RPE: variants seen among roughly 807,000 people sequenced by gnomAD.
RPE encodes the protein ribulose-phosphate 3-epimerase.
Under a neutral mutation model 24.6 loss-of-function variants are expected in RPE, and 16 were observed. The observed-to-expected ratio is 0.65, with a 90% confidence interval of 0.44 to 0.99. The LOEUF is 0.99. Ranked by LOEUF, RPE falls within the 50% of genes least tolerant of loss-of-function variation. The probability of loss-of-function intolerance (pLI) is 0.00; values close to 1 mark genes in which losing one functional copy is unlikely to be tolerated. For missense variants in RPE, 240 were observed against 294.5 expected (o/e 0.81, Z 1.35); for synonymous variants, 93 against 98.4 (o/e 0.94, Z 0.33).
rs2093674212 is a variant in RPE, at chr2:210,009,564, A to G, written c.123-93A>G. 3.3e-6 allele frequency: 5 copies of G among 1,497,404 alleles called. No individual in the cohort carries two copies. The African/African-American group carries it at 4.1e-5, about 12-fold the overall frequency. The allele number at this position is 1,497,404 out of a possible 1,614,324, so 92.8% of individuals were successfully genotyped here. A position where few individuals can be genotyped will look rare whatever the true frequency, so the allele number is the denominator to read the frequency against. ...AGTATTAAATTGAAAAACATTGCAG[A>G]CAATCCCCTCAACCTGTGTCAGAAT... On this transcript the variant is annotated intron_variant, in intron 1 of 5. Coordinates refer to ENST00000359429, the MANE Select transcript of RPE (RefSeq NM_199229.3).
At chr2:210,016,314 T>A in intron 3 of RPE, 193 bp from the exon 4 acceptor site, 3 of 1,595,082 alleles carry the variant, frequency 1.9e-6, no homozygotes, top group Non-Finnish European at 2.6e-6. Flanking sequence ...GGATTTAACT[T>A]CTTTGTCACA....
At chr2:210,006,593 G>A (rs1379178581) in intron 1 of RPE, among the ~76,000 whole-genome samples, 2 of 152,142 alleles carry the variant, frequency 1.3e-5, no homozygotes, top group Non-Finnish European at 2.9e-5. Context: ...TACTCGGGAG[G>A]TGGTTATTAT....
chr2:210,019,373 G>C (rs1198745441), intron 5 of RPE, among the ~76,000 whole-genome samples: 1 of 152,122 alleles, frequency 6.6e-6, no homozygotes, highest in Admixed American at 6.5e-5. Flanking sequence ...GAGGAGTAAA[G>C]GCTTTTAAAC....
rs1360805992 is a variant in RPE, at chr2:210,020,682, C to T, written c.*891C>T. On this transcript the variant is annotated 3_prime_UTR_variant, in exon 6 of 6. Transcript: ENST00000359429. ...CTAGTCCCAGAATTTAGAATATGCT[C>T]AACACAAAGTAAACAGCATTATATA... is the stretch of plus-strand genomic sequence containing the variant. 6.0e-6 allele frequency: 1 copy of T among 166,470 alleles called. No homozygotes were observed. Among genetic ancestry groups the T allele is most frequent in the African/African-American group, 2.4e-5 (1 of 41,392 alleles). The allele number at this position is 166,470 out of a possible 1,614,324, so 10.3% of individuals were successfully genotyped here. A position where few individuals can be genotyped will look rare whatever the true frequency, so the allele number is the denominator to read the frequency against.
chr2:210,015,075 G>A (rs556246270), intron 2 of RPE, among the ~76,000 whole-genome samples: 3 of 152,244 alleles, frequency 2.0e-5, no homozygotes, highest in African/African-American at 7.2e-5. Context: ...CCCTAAATTT[G>A]TTCTTGCAGT....
At chr2:210,018,770 T>C in intron 5 of RPE, 1 of 848,554 alleles carries the variant, frequency 1.2e-6, no homozygotes, top group Non-Finnish European at 1.4e-6. Flanking sequence ...AACAGCAGGA[T>C]ATGAAGAACT....
rs1230670663 is a variant in RPE, at chr2:210,021,287, A to G, written c.*1496A>G. ...AGGTTCAAAAAATAAGAATGCTAAC[A>G]CTTAAGCACAGACTAGAGCTTGCTT... is the stretch of plus-strand genomic sequence containing the variant. On this transcript the variant is annotated 3_prime_UTR_variant, in exon 6 of 6. Transcript: ENST00000359429. The G allele has an allele frequency of 2.0e-5, 3 of 152,264 alleles. No homozygotes were observed. The highest frequency in any genetic ancestry group is 7.2e-5 in the African/African-American group (3 of 41,562). 9.4% of individuals were successfully genotyped at this position (152,264 alleles called of 1,614,324 possible).
At chr2:210,009,875 G>A in intron 2 of RPE, 139 bp downstream of exon 2, 1 of 1,115,946 alleles carries the variant, frequency 9.0e-7, no homozygotes, top group East Asian at 2.4e-5. Flanking sequence ...CCTGACTCCA[G>A]TAACAAGCCA....
rs1559485365 is a variant in RPE at position 210,020,282 on chromosome 2, A to G, written c.*491A>G. 1.2e-5 allele frequency: 2 copies of G among 167,088 alleles called. No individual in the cohort carries two copies. The highest frequency in any genetic ancestry group is 4.8e-5 in the African/African-American group (2 of 41,438). The allele number at this position is 167,088 out of a possible 1,614,324, so 10.4% of individuals were successfully genotyped here. On this transcript the variant is annotated 3_prime_UTR_variant, in exon 6 of 6. Coordinates refer to ENST00000359429, the MANE Select transcript of RPE (RefSeq NM_199229.3). The stretch of plus-strand genomic sequence containing the variant: ...ACCATATTCTTGGTTCTTAAAATCT[A>G]TCACTTTTCACCTTACACTTGATGT...
In RPE at chr2:210,002,641, T is replaced by C. The variant is rs774759154; in HGVS notation, c.-21T>C. ...GCCTTGCCGGGGACTCGTGGGTAAC[T>C]TGCTTTTGGGAGCCAGCGGTATGGC... On this transcript the variant is annotated 5_prime_UTR_variant, in exon 1 of 6. Coordinates refer to ENST00000359429, the MANE Select transcript of RPE (RefSeq NM_199229.3). The C allele has an allele frequency of 8.7e-6, 14 of 1,609,248 alleles. No homozygotes were observed. Among genetic ancestry groups the C allele is most frequent in the African/African-American group, 1.3e-5 (1 of 74,402 alleles).
chr2:210,014,861 C>T (rs957766806), intron 2 of RPE, among the ~76,000 whole-genome samples: 2 of 152,034 alleles, frequency 1.3e-5, no homozygotes, highest in Admixed American at 1.3e-4. Flanking sequence ...CTCCTCACTA[C>T]CATCTATCAA....
At chr2:210,018,459 TG>T (rs985599551) in intron 5 of RPE, 62 of 985,004 alleles carry the variant, frequency 6.3e-5, no homozygotes, top group Non-Finnish European at 7.2e-5. Context: ...CCAGCCCTTC[TG>T]GTAGCACTGC....
intron 5 of RPE, chr2:210,018,074 T>A: frequency 7.3e-7 from 1 of 1,378,490 alleles, no homozygotes; most frequent in Non-Finnish European, 9.8e-7. Flanking sequence ...ATCACATAAA[T>A]TGTTAAAATT....
intron 5 of RPE, chr2:210,018,046 G>T: frequency 8.4e-7 from 1 of 1,193,766 alleles, no homozygotes; most frequent in East Asian, 2.6e-5. Flanking sequence ...CGTCTGGCCC[G>T]TAAGTGGATA....
In RPE at chr2:210,021,226, T is replaced by C. The variant is rs1360899826; in HGVS notation, c.*1435T>C. ...AAGAAATAAACATGACCAATATCAA[T>C]AGACTTCTTGAGGCTACTATAAGTT... is the stretch of plus-strand genomic sequence containing the variant. On this transcript the variant is annotated 3_prime_UTR_variant, in exon 6 of 6. Transcript: ENST00000359429. 6.6e-6 allele frequency: 1 copy of C among 152,106 alleles called. No homozygotes were observed. The highest frequency in any genetic ancestry group is 1.9e-4 in the East Asian group (1 of 5,198). 9.4% of individuals were successfully genotyped at this position (152,106 alleles called of 1,614,324 possible).
In RPE at chr2:210,021,313, G is replaced by A. The variant is rs968697568; in HGVS notation, c.*1522G>A. 12 of 152,154 alleles carry A rather than the reference G, an allele frequency of 7.9e-5. No individual in the cohort carries two copies. The highest frequency in any genetic ancestry group is 2.9e-4 in the African/African-American group (12 of 41,412). 9.4% of individuals were successfully genotyped at this position (152,154 alleles called of 1,614,324 possible). A position where few individuals can be genotyped will look rare whatever the true frequency, so the allele number is the denominator to read the frequency against. On this transcript the variant is annotated 3_prime_UTR_variant, in exon 6 of 6. Coordinates refer to ENST00000359429, the MANE Select transcript of RPE (RefSeq NM_199229.3). Reference sequence around the variant, plus strand: ...CTTAAGCACAGACTAGAGCTTGCTTGGGTTTCTTCCTGCATTACAAGGTAA... The same window carrying A: ...CTTAAGCACAGACTAGAGCTTGCTTAGGTTTCTTCCTGCATTACAAGGTAA...
intron 2 of RPE, among the ~76,000 whole-genome samples, chr2:210,009,980 TC>T (rs1182446412): frequency 5.9e-5 from 9 of 152,194 alleles, no homozygotes; most frequent in Non-Finnish European, 1.3e-4. Context: ...ATTTGTCATT[TC>T]CTCAGAGAGG....
intron 5 of RPE, chr2:210,018,238 A>G (rs1390492688): frequency 3.9e-6 from 6 of 1,523,512 alleles, no homozygotes; most frequent in Admixed American, 4.2e-5. Context: ...CCAAGGGGGG[A>G]AAATAGATAA....
chr2:210,017,878 G>A, intron 5 of RPE: 1 of 549,716 alleles, frequency 1.8e-6, no homozygotes, highest in Non-Finnish European at 3.2e-6. Context: ...CTGAGTAGCT[G>A]GGATTACAGG....
Sources: gnomAD v4.1 joint callset for allele counts (sites outside exome capture counted in the v4.1 genomes callset) on GRCh38, gnomAD v4.1.1 for gene constraint, MANE v1.5 for transcripts, NCBI Gene and HGNC (gene_info 2026-07-23, HGNC 2026-07-21) for gene names.